LARGE1: variants seen among roughly 807,000 people sequenced by gnomAD.
LARGE1 encodes the protein LARGE xylosyl- and glucuronyltransferase 1, also known as xylosyl- and glucuronyltransferase LARGE1.
Under a neutral mutation model 87.6 loss-of-function variants are expected in LARGE1, and 43 were observed. The ratio of observed to expected loss-of-function variants is 0.49; its 90% CI spans 0.38 to 0.63. The LOEUF is 0.63. LARGE1 is among the 30% of genes least tolerant of loss of function. The pLI, the probability that LARGE1 is intolerant of heterozygous loss-of-function variation, is 0.00. For missense variants in LARGE1, 802 were observed against 1,000.2 expected (o/e 0.80, Z 2.67); for synonymous variants, 434 against 394.6 (o/e 1.10, Z -1.18).
At chr22:33,811,007 G>A (rs1185846318) in intron 1 of LARGE1, among the ~76,000 whole-genome samples, 1 of 152,082 alleles carries the variant, frequency 6.6e-6, no homozygotes, top group East Asian at 1.9e-4. Flanking sequence ...TTCTATGCGA[G>A]ATTTGTTACT....
At chr22:33,629,873 G>A (rs566317915) in intron 3 of LARGE1, among the ~76,000 whole-genome samples, 6 of 152,146 alleles carry the variant, frequency 3.9e-5, no homozygotes, top group South Asian at 2.1e-4. Flanking sequence ...TTCGAGACCC[G>A]CCTGGCCAAC....
chr22:33,889,788 A>T (rs539589721), intron 1 of LARGE1, among the ~76,000 whole-genome samples: 1 of 152,340 alleles, frequency 6.6e-6, no homozygotes, highest in Non-Finnish European at 1.5e-5. Flanking sequence ...AGAACTAAAT[A>T]AAAATGTATT....
intron 9 of LARGE1, among the ~76,000 whole-genome samples, chr22:33,355,405 G>T (rs184329811): frequency 6.6e-6 from 1 of 152,204 alleles, no homozygotes; most frequent in South Asian, 2.1e-4. Flanking sequence ...TGCATACAAC[G>T]GGCACTCAAT....
chr22:33,431,096 C>G (rs939296298), intron 7 of LARGE1, among the ~76,000 whole-genome samples: 9 of 152,206 alleles, frequency 5.9e-5, no homozygotes, highest in African/African-American at 1.9e-4. Context: ...CAGGAGTCTG[C>G]ATCCTTTGAG....
the LARGE1 span, among the ~76,000 whole-genome samples, chr22:33,086,703 C>T: frequency 3.9e-5 from 6 of 152,138 alleles, no homozygotes; most frequent in South Asian, 1.2e-3. Context: ...CAGGCGCATG[C>T]CACCACACCC....
At chr22:33,133,139 G>A in the LARGE1 span, among the ~76,000 whole-genome samples, 2 of 152,070 alleles carry the variant, frequency 1.3e-5, no homozygotes, top group Non-Finnish European at 2.9e-5. Flanking sequence ...AAATTTACTG[G>A]GTCCTGTAGG....
intron 2 of LARGE1, among the ~76,000 whole-genome samples, chr22:33,677,743 G>T (rs2081624816): frequency 7.9e-6 from 1 of 126,086 alleles, no homozygotes; most frequent in Non-Finnish European, 1.7e-5. Context: ...CCATTGCCCT[G>T]AGTCAGCCTC....
intron 2 of LARGE1, among the ~76,000 whole-genome samples, chr22:33,752,750 C>T (rs561265325): frequency 6.6e-6 from 1 of 152,198 alleles, no homozygotes; most frequent in Non-Finnish European, 1.5e-5. Context: ...GAGCATGGGA[C>T]TGTGGGAAAG....
chr22:33,907,857 A>G lies in LARGE1; in HGVS notation c.-83+12138T>C, dbSNP rs544021558. On this transcript the variant is annotated intron_variant, in intron 1 of 14. Transcript: ENST00000397394. ...CGTGATCCACCCGCCTCGGCCTCCC[A>G]AAGTGCTGGGATTCCAGGCGTAAGC... Among the ~76,000 whole-genome samples the G allele has an allele frequency of 3.9e-5, 6 of 152,168 alleles. No individual in the cohort carries two copies. In the East Asian group the frequency reaches 5.8e-4, roughly 15 times the overall value.
At chr22:33,406,984 G>T (rs2066125616) in intron 7 of LARGE1, among the ~76,000 whole-genome samples, 1 of 151,932 alleles carries the variant, frequency 6.6e-6, no homozygotes, top group Non-Finnish European at 1.5e-5. Flanking sequence ...GCAGAGACGG[G>T]GTTTCACCAT....
intron 2 of LARGE1, among the ~76,000 whole-genome samples, chr22:33,692,673 T>C (rs538405778): frequency 3.2e-4 from 48 of 152,346 alleles, no homozygotes; most frequent in African/African-American, 1.1e-3. Flanking sequence ...AATATGTGTA[T>C]ATATCATTCT....
chr22:33,844,692 T>C (rs2063379392), intron 1 of LARGE1, among the ~76,000 whole-genome samples: 1 of 152,006 alleles, frequency 6.6e-6, no homozygotes. Context: ...TTGGTTTCCT[T>C]GTTTATAAAA....
At chr22:33,816,461 G>A (rs896981280) in intron 1 of LARGE1, among the ~76,000 whole-genome samples, 3 of 152,124 alleles carry the variant, frequency 2.0e-5, no homozygotes, top group African/African-American at 7.2e-5. Context: ...CATGGTGAAA[G>A]GCTCCCTTGT....
intron 1 of LARGE1, among the ~76,000 whole-genome samples, chr22:33,792,794 C>A (rs984422976): frequency 2.0e-5 from 3 of 152,288 alleles, no homozygotes; most frequent in Non-Finnish European, 2.9e-5. Flanking sequence ...TTCTCTCCCC[C>A]ATTCTTAGCC....
At chr22:33,582,688 C>T (rs1351069109) in intron 5 of LARGE1, among the ~76,000 whole-genome samples, 1 of 152,210 alleles carries the variant, frequency 6.6e-6, no homozygotes, top group Non-Finnish European at 1.5e-5. Flanking sequence ...AACCCAACTT[C>T]ACACTGAACC....
chr22:33,743,767 T>A (rs1421329045), intron 2 of LARGE1, among the ~76,000 whole-genome samples: 5 of 152,242 alleles, frequency 3.3e-5, no homozygotes, highest in Non-Finnish European at 5.9e-5. Context: ...CCTCGACTTG[T>A]CACATGGCTA....
intron 6 of LARGE1, among the ~76,000 whole-genome samples, chr22:33,552,751 C>A (rs1326080501): frequency 1.3e-5 from 2 of 152,192 alleles, no homozygotes; most frequent in Admixed American, 6.5e-5. Context: ...GAGAAAAAGA[C>A]CATCTGTCAA....
At chr22:33,432,403 C>A (rs2067110146) in intron 6 of LARGE1, 138 bp from the exon 7 acceptor site, 2 of 702,832 alleles carry the variant, frequency 2.8e-6, no homozygotes, top group Admixed American at 2.1e-5. Context: ...GAAGTGCCAG[C>A]CTCTGACCTA....
At chr22:33,621,676 T>G (rs2079759051) in intron 4 of LARGE1, among the ~76,000 whole-genome samples, 1 of 152,370 alleles carries the variant, frequency 6.6e-6, no homozygotes, top group South Asian at 2.1e-4. Context: ...TATTTATAGC[T>G]GGACTTTCTG....
Sources: gnomAD v4.1 joint callset for allele counts (sites outside exome capture counted in the v4.1 genomes callset) on GRCh38, gnomAD v4.1.1 for gene constraint, MANE v1.5 for transcripts, NCBI Gene and HGNC (gene_info 2026-07-23, HGNC 2026-07-21) for gene names.